The following PRRX1 variants were observed in gnomAD, a reference collection of about 807,000 sequenced individuals.
PRRX1 encodes paired related homeobox 1.
PRRX1 carries 8 observed loss-of-function variants against 24.0 expected under a neutral mutation model. That is an observed-to-expected ratio of 0.33 (90% CI 0.20 to 0.60). The LOEUF is 0.60. Ranked by LOEUF, PRRX1 falls within the 20% of genes least tolerant of loss-of-function variation. PRRX1 has a pLI of 0.82. For missense variants in PRRX1, 281 were observed against 322.4 expected (o/e 0.87, Z 0.98); for synonymous variants, 160 against 131.7 (o/e 1.22, Z -1.47).
intron 1 of PRRX1, among the ~76,000 whole-genome samples, chr1:170,673,805 T>C (rs1266064501): frequency 6.6e-6 from 1 of 152,160 alleles, no homozygotes; most frequent in Non-Finnish European, 1.5e-5. Flanking sequence ...ATGTTTCTGT[T>C]CCATCCATCC....
chr1:170,723,676 C>T (rs1209903852), intron 2 of PRRX1, among the ~76,000 whole-genome samples: 1 of 152,216 alleles, frequency 6.6e-6, no homozygotes, highest in Non-Finnish European at 1.5e-5. Flanking sequence ...CAATGGGGAT[C>T]TGTTCTGAGA....
At chr1:170,715,298 G>A (rs1654871188) in intron 1 of PRRX1, among the ~76,000 whole-genome samples, 2 of 152,142 alleles carry the variant, frequency 1.3e-5, no homozygotes, top group Non-Finnish European at 2.9e-5. Context: ...TTGTGGGACT[G>A]CTTCTATACC....
At chr1:170,708,624 G>A (rs112703528) in intron 1 of PRRX1, among the ~76,000 whole-genome samples, 5 of 152,226 alleles carry the variant, frequency 3.3e-5, no homozygotes, top group African/African-American at 1.2e-4. Context: ...GACTTCCTTT[G>A]TCTTTTCTAG....
chr1:170,726,413 G>A lies in PRRX1; in HGVS notation c.599+12G>A. On this transcript the variant is annotated intron_variant, in intron 3 of 3. Coordinates refer to ENST00000239461, the MANE Select transcript of PRRX1 (RefSeq NM_022716.4). ...GCGTCTCCGTACAGGTGAATGACTG[G>A]CCCACTCTCCCTTGCTCCACTTCCA... 1 of 1,612,808 alleles carries A rather than the reference G, an allele frequency of 6.2e-7. No homozygotes were observed.
intron 3 of PRRX1, chr1:170,730,572 G>A: frequency 1.9e-6 from 1 of 516,856 alleles, no homozygotes; most frequent in Non-Finnish European, 3.5e-6. Context: ...CTGTGCACAG[G>A]AAACATCTGG....
At chr1:170,673,300 T>C (rs1653203441) in intron 1 of PRRX1, among the ~76,000 whole-genome samples, 1 of 152,208 alleles carries the variant, frequency 6.6e-6, no homozygotes, top group African/African-American at 2.4e-5. Context: ...TGACTTTCCA[T>C]TTTCTACCAG....
At chr1:170,703,714 G>A (rs1270364996) in intron 1 of PRRX1, among the ~76,000 whole-genome samples, 1 of 152,088 alleles carries the variant, frequency 6.6e-6, no homozygotes, top group Non-Finnish European at 1.5e-5. Flanking sequence ...CAAACTACCA[G>A]ATATCAGCTG....
intron 1 of PRRX1, among the ~76,000 whole-genome samples, chr1:170,689,841 T>TCTCTCTCTCTCTCG: frequency 1.8e-5 from 1 of 55,360 alleles, no homozygotes; most frequent in African/African-American, 8.4e-5. Flanking sequence ...TCTCTCTCCC[T>TCTCTCTCTCTCTCG]CTCTCTCTCT....
intron 3 of PRRX1, chr1:170,726,907 A>T (rs181478433): frequency 6.4e-6 from 1 of 155,130 alleles, no homozygotes; most frequent in East Asian, 1.9e-4. Context: ...AAGGAAGGAG[A>T]GAGACGAGAG....
At chr1:170,692,440 G>C (rs1167143335) in intron 1 of PRRX1, among the ~76,000 whole-genome samples, 2 of 151,868 alleles carry the variant, frequency 1.3e-5, no homozygotes, top group Non-Finnish European at 2.9e-5. Context: ...TTACAATGTA[G>C]CTAACTTTCT....
At chr1:170,686,528 CTG>C (rs1198756785) in intron 1 of PRRX1, among the ~76,000 whole-genome samples, 39 of 152,256 alleles carry the variant, frequency 2.6e-4, no homozygotes, top group African/African-American at 8.4e-4. Flanking sequence ...AATTCTGACA[CTG>C]ATTCAAATTC....
rs766812175 is a variant in PRRX1, at chr1:170,736,268, T to G, written c.*82T>G. The G allele has an allele frequency of 1.3e-6, 2 of 1,557,238 alleles. No homozygotes were observed. Among genetic ancestry groups the G allele is most frequent in the Non-Finnish European group, 1.8e-6 (2 of 1,135,692 alleles). ...CCTGCTCTGTTATTTCTTCATCTGC[T>G]GGGGGGAAAAAGTAAATTACAAACA... On this transcript the variant is annotated 3_prime_UTR_variant, in exon 4 of 4. Transcript: ENST00000239461.
chr1:170,695,078 A>G (rs1359303352), intron 1 of PRRX1, among the ~76,000 whole-genome samples: 1 of 152,086 alleles, frequency 6.6e-6, no homozygotes, highest in East Asian at 1.9e-4. Flanking sequence ...GATGGTGGAG[A>G]TGGTTTGCTA....
chr1:170,664,258 G>A lies in PRRX1; in HGVS notation c.40G>A (p.Ala14Thr), dbSNP rs768368980. The A allele has an allele frequency of 6.2e-7, 1 of 1,612,502 alleles. No homozygotes were observed. Among genetic ancestry groups the A allele is most frequent in the Non-Finnish European group, 8.5e-7 (1 of 1,179,576 alleles). Residue 14 changes from alanine to threonine, a missense_variant, in exon 1 of 4, where the codon GCG (alanine) becomes ACG (threonine). Transcript: ENST00000239461. Reference protein sequence around the residue: ...SYGHVLERQPALGGRLDSPGN... With the variant: ...SYGHVLERQPTLGGRLDSPGN... ...CGGGCACGTTCTGGAGCGGCAACCG[G>A]CGCTGGGCGGCCGCTTGGACAGCCC...
Position 170,737,381 on chromosome 1 carries a change from G to T in PRRX1, c.*1195G>T. 1 of 192,616 alleles carries T rather than the reference G, an allele frequency of 5.2e-6. No homozygotes were observed. The highest frequency in any genetic ancestry group is 1.1e-5 in the Non-Finnish European group (1 of 92,204). The allele number at this position is 192,616 out of a possible 1,614,324, so 11.9% of individuals were successfully genotyped here. A position where few individuals can be genotyped will look rare whatever the true frequency, so the allele number is the denominator to read the frequency against. On this transcript the variant is annotated 3_prime_UTR_variant, in exon 4 of 4. Transcript: ENST00000239461. Reference sequence around the variant, plus strand: ...GAGAACAGGTCCCATTTTCACATTAGGGCTTTAAATGAATTAGAAACTATT... The same window carrying T: ...GAGAACAGGTCCCATTTTCACATTATGGCTTTAAATGAATTAGAAACTATT...
At chr1:170,730,369 G>A (rs776259038) in intron 3 of PRRX1, 5 of 1,582,068 alleles carry the variant, frequency 3.2e-6, no homozygotes, top group Admixed American at 1.7e-5. Context: ...AGAGGGGGAA[G>A]AGGGTGGCTG....
chr1:170,730,556 A>G, intron 3 of PRRX1: 1 of 548,430 alleles, frequency 1.8e-6, no homozygotes, highest in East Asian at 3.0e-5. Context: ...GGCTCTTCAG[A>G]GATTGCTGTG....
chr1:170,664,557 G>A, intron 1 of PRRX1, 98 bp downstream of exon 1: 1 of 1,484,434 alleles, frequency 6.7e-7, no homozygotes, highest in Non-Finnish European at 9.0e-7. Flanking sequence ...AGAAAGACAA[G>A]GTCCTGGGAC....
rs1181176268 is a variant in PRRX1 at position 170,739,330 on chromosome 1, G to A, written c.*3144G>A. On this transcript the variant is annotated 3_prime_UTR_variant, in exon 4 of 4. Transcript: ENST00000239461. ...ATATGTAAATTATATCTTGCTTTAT[G>A]TTGTAAAATATACATTGTTTGCGCT... 4.4e-5 allele frequency: 8 copies of A among 180,540 alleles called. No individual in the cohort carries two copies. The highest frequency in any genetic ancestry group is 3.8e-4 in the Admixed American group (6 of 15,890). The allele number at this position is 180,540 out of a possible 1,614,324, so 11.2% of individuals were successfully genotyped here. A position where few individuals can be genotyped will look rare whatever the true frequency, so the allele number is the denominator to read the frequency against.
Sources: allele counts gnomAD v4.1 joint callset (sites outside exome capture counted in the v4.1 genomes callset), GRCh38; gene constraint gnomAD v4.1.1; transcripts MANE v1.5; gene names NCBI Gene and HGNC (gene_info 2026-07-23, HGNC 2026-07-21).